Variants in SLK observed in about 807,000 individuals in gnomAD.
The protein encoded by SLK is STE20 like kinase.
SLK carries 67 observed loss-of-function variants against 147.7 expected under a neutral mutation model. That is an observed-to-expected ratio of 0.45 (90% CI 0.37 to 0.56). SLK has a LOEUF of 0.56. Among genes scored for constraint, SLK ranks in the 20% least tolerant of loss-of-function variants. The pLI, the probability that SLK is intolerant of heterozygous loss-of-function variation, is 0.00. For synonymous variants in SLK, 441 were observed against 475.0 expected (o/e 0.93, Z 0.93); for missense variants, 1,136 against 1,438.8 (o/e 0.79, Z 3.41).
chr10:103,986,117 G>C (rs1844009018), intron 1 of SLK, among the ~76,000 whole-genome samples: 1 of 152,140 alleles, frequency 6.6e-6, no homozygotes, highest in Non-Finnish European at 1.5e-5. Context: ...TTGGCACCAG[G>C]GACTGGTTTC....
At chr10:103,989,250 C>A in intron 1 of SLK, among the ~76,000 whole-genome samples, 1 of 152,154 alleles carries the variant, frequency 6.6e-6, no homozygotes, top group Admixed American at 6.5e-5. Flanking sequence ...AAAGATTTGA[C>A]AAATAAGTAT....
chr10:104,020,018 G>A, intron 16 of SLK, 96 bp downstream of exon 16: 1 of 925,126 alleles, frequency 1.1e-6, no homozygotes, highest in Non-Finnish European at 1.7e-6. Context: ...AACAATTAGA[G>A]CCACCTTAGG....
intron 7 of SLK, 82 bp downstream of exon 7, chr10:104,000,030 C>A: frequency 1.6e-6 from 1 of 632,390 alleles, no homozygotes; most frequent in Middle Eastern, 3.3e-4. Context: ...GCTTTCTTTC[C>A]ACTTAAATTT....
intron 1 of SLK, among the ~76,000 whole-genome samples, chr10:103,978,420 A>G (rs958524790): frequency 2.0e-5 from 3 of 152,066 alleles, no homozygotes; most frequent in African/African-American, 7.2e-5. Flanking sequence ...ATAAGATGCT[A>G]TTGCTGTTAC....
chr10:103,990,207 G>A (rs1214607600), intron 1 of SLK, among the ~76,000 whole-genome samples: 2 of 152,192 alleles, frequency 1.3e-5, no homozygotes, highest in Non-Finnish European at 2.9e-5. Context: ...AGTAGGCAGA[G>A]CACAGAGGAT....
intron 1 of SLK, among the ~76,000 whole-genome samples, chr10:103,977,447 C>T (rs1328730603): frequency 2.6e-5 from 4 of 151,980 alleles, no homozygotes; most frequent in African/African-American, 7.3e-5. Context: ...CCCATGTCTA[C>T]GGAAAGTAGT....
At chr10:103,998,649 G>A (rs812023) in intron 4 of SLK, among the ~76,000 whole-genome samples, 148,642 of 152,248 alleles carry the variant, frequency 0.98, 72,654 homozygotes, top group Middle Eastern at 1. Context: ...TTCAATTTTG[G>A]AGGATTTGTC....
At chr10:104,018,360 A>G (rs530142531) in intron 14 of SLK, 71 bp downstream of exon 14, 32 of 1,404,546 alleles carry the variant, frequency 2.3e-5, no homozygotes, top group Middle Eastern at 1.8e-4. Context: ...GAATGTAAAC[A>G]TATAACCCTT....
Position 103,999,124 on chromosome 10 carries a change from C to A in SLK, c.593C>A (p.Ala198Asp). ...TTAATTATCTGTCTTCATAGGATGG[C>A]TCCTGAAGTAGTCATGTGTGAAACA... The part of the protein sequence containing the change: ...DSFIGTPYWM[A>D]PEVVMCETSK... Residue 198 changes from alanine to aspartate, a missense_variant, in exon 6 of 19, where the codon GCT becomes GAT. By Grantham distance (126) the Ala-to-Asp change is moderately radical (BLOSUM62 -2). This residue lies in a region of SLK where 141 missense variants were observed against 219.3 expected (regional missense o/e 0.64). Coordinates refer to ENST00000369755, the MANE Select transcript of SLK (RefSeq NM_014720.4). 1 of 1,606,262 alleles carries A rather than the reference C, an allele frequency of 6.2e-7. No homozygotes were observed. Among genetic ancestry groups the A allele is most frequent in the Admixed American group, 1.7e-5 (1 of 58,516 alleles).
intron 1 of SLK, among the ~76,000 whole-genome samples, chr10:103,984,643 G>A (rs1255265543): frequency 6.6e-6 from 1 of 152,078 alleles, no homozygotes; most frequent in Admixed American, 6.6e-5. Context: ...CGAACTCTTG[G>A]GCCCAAGTGA....
At chr10:103,970,353 G>A (rs1843776654) in intron 1 of SLK, among the ~76,000 whole-genome samples, 1 of 152,128 alleles carries the variant, frequency 6.6e-6, no homozygotes, top group Non-Finnish European at 1.5e-5. Context: ...CTATCTTCCT[G>A]TACTGAGACA....
chr10:104,005,853 C>T (rs999453967), intron 10 of SLK, 59 bp from the exon 11 acceptor site: 8 of 1,538,034 alleles, frequency 5.2e-6, no homozygotes, highest in African/African-American at 2.8e-5. Context: ...TAAAAAAAAA[C>T]GTATTTCAGA....
intron 1 of SLK, among the ~76,000 whole-genome samples, chr10:103,986,173 G>A (rs1844009771): frequency 6.6e-6 from 1 of 152,116 alleles, no homozygotes; most frequent in African/African-American, 2.4e-5. Context: ...ATGTTTTGGG[G>A]ATAATTCAAG....
At chr10:104,009,185 G>T (rs1300889381) in intron 12 of SLK, among the ~76,000 whole-genome samples, 1 of 152,070 alleles carries the variant, frequency 6.6e-6, no homozygotes, top group Non-Finnish European at 1.5e-5. Context: ...AACATCTTCA[G>T]TATAGGAAGA....
chr10:104,017,330 C>G (rs1844477009), intron 13 of SLK, among the ~76,000 whole-genome samples: 1 of 152,178 alleles, frequency 6.6e-6, no homozygotes, highest in African/African-American at 2.4e-5. Flanking sequence ...AACTATTGTT[C>G]TTCTTTTTAG....
Position 104,018,241 on chromosome 10 carries a change from G to C in SLK, c.2959G>C (p.Ala987Pro). ...KIIQQQKAEL[A>P]NIERECLNNK... Reference sequence around the variant, plus strand: ...CATCCAGCAGCAGAAGGCAGAGTTAGCTAATATTGAGAGAGAGTGCCTGAA... The same window carrying C: ...CATCCAGCAGCAGAAGGCAGAGTTACCTAATATTGAGAGAGAGTGCCTGAA... Residue 987 changes from alanine (A) to proline (P), a missense_variant, in exon 14 of 19, where the codon GCT becomes CCT. This residue lies in a region of SLK where 327 missense variants were observed against 457.5 expected (regional missense o/e 0.71). Coordinates refer to ENST00000369755, the MANE Select transcript of SLK (RefSeq NM_014720.4). The C allele has an allele frequency of 6.3e-7, 1 of 1,599,554 alleles. No homozygotes were observed. The highest frequency in any genetic ancestry group is 2.2e-5 in the East Asian group (1 of 44,698).
At chr10:103,999,640 G>C (rs1383537849) in intron 6 of SLK, among the ~76,000 whole-genome samples, 1 of 152,102 alleles carries the variant, frequency 6.6e-6, no homozygotes, top group African/African-American at 2.4e-5. Flanking sequence ...ATACTTGTGA[G>C]TATATGGCTG....
intron 3 of SLK, 71 bp from the exon 4 acceptor site, chr10:103,992,913 A>T (rs1388960058): frequency 5.5e-6 from 6 of 1,081,414 alleles, no homozygotes; most frequent in Non-Finnish European, 6.9e-6. Context: ...TATATACAGA[A>T]AGGTATATAG....
chr10:104,003,560 C>A lies in SLK; in HGVS notation c.2349+33C>A, dbSNP rs1259248397. 3 of 1,500,602 alleles carry A rather than the reference C, an allele frequency of 2.0e-6. No homozygotes were observed. In the Admixed American group the frequency reaches 6.9e-5, roughly 34 times the overall value. The allele number at this position is 1,500,602 out of a possible 1,614,324, so 93.0% of individuals were successfully genotyped here. A position where few individuals can be genotyped will look rare whatever the true frequency, so the allele number is the denominator to read the frequency against. Reference sequence around the variant, plus strand: ...TACATGAGTCATTGTTTGGGTTTTCCTTTGCCATTTTCTCAATTCAGAGTT... The same window carrying A: ...TACATGAGTCATTGTTTGGGTTTTCATTTGCCATTTTCTCAATTCAGAGTT... On this transcript the variant is annotated intron_variant, in intron 9 of 18. Transcript: ENST00000369755.
Sources: allele counts gnomAD v4.1 joint callset (sites outside exome capture counted in the v4.1 genomes callset), GRCh38; gene constraint gnomAD v4.1.1; regional missense constraint gnomAD v4.1.1; transcripts MANE v1.5; gene names NCBI Gene and HGNC (gene_info 2026-07-23, HGNC 2026-07-21).